Variants in EDA2R observed in about 807,000 individuals in gnomAD.
EDA2R encodes ectodysplasin A2 receptor.
EDA2R carries 26 observed loss-of-function variants against 20.1 expected under a neutral mutation model. That is an observed-to-expected ratio of 1.30 (90% CI 0.95 to 1.80). EDA2R has a LOEUF of 1.80. EDA2R is among the 40% of genes most tolerant of loss of function. EDA2R has a pLI of 0.00. For missense variants in EDA2R, 277 were observed against 228.7 expected (o/e 1.21, Z -1.36); for synonymous variants, 114 against 88.7 (o/e 1.29, Z -1.60).
In EDA2R at chrX:66,604,525, G is replaced by C. The variant is rs779670249; in HGVS notation, c.267-19C>G. On this transcript the variant is annotated intron_variant, in intron 3 of 6. Coordinates refer to ENST00000374719, the MANE Select transcript of EDA2R (RefSeq NM_021783.5). ...GTAGAACCTGTGTTCAGAGCAATTAGGAATGGCAGGGTGATCAAACAAGCA... is the reference window on the plus strand; with the variant it reads ...GTAGAACCTGTGTTCAGAGCAATTACGAATGGCAGGGTGATCAAACAAGCA... 1 of 1,183,095 alleles carries C rather than the reference G, an allele frequency of 8.5e-7. No individual in the cohort carries two copies. The highest frequency in any genetic ancestry group is 3.0e-5 in the East Asian group (1 of 33,465).
chrX:66,595,938 G>A lies in EDA2R; in HGVS notation c.*2166C>T, dbSNP rs766662896. On this transcript the variant is annotated 3_prime_UTR_variant, in exon 7 of 7. Transcript: ENST00000374719. ...TAGTGCTGAATCCTTTCCTAACCTG[G>A]ATCTGAGAATCTTGGAGGAAAAAAT... The A allele has an allele frequency of 3.7e-5, 4 of 108,904 alleles. No homozygotes were observed. In the South Asian group the frequency reaches 1.6e-3, roughly 44 times the overall value. 9.0% of individuals were successfully genotyped at this position (108,904 alleles called of 1,213,427 possible).
chrX:66,614,581 C>A (rs1057496882), intron 2 of EDA2R, among the ~76,000 whole-genome samples: 1 of 112,057 alleles, frequency 8.9e-6, no homozygotes, highest in Non-Finnish European at 1.9e-5. Context: ...TTCCTTGGTA[C>A]TGGGATCCTT....
chrX:66,604,545 C>G, intron 3 of EDA2R, 39 bp from the exon 4 acceptor site: 1 of 1,139,972 alleles, frequency 8.8e-7, no homozygotes, highest in Non-Finnish European at 1.2e-6. Flanking sequence ...GGTGATCAAA[C>G]AAGCAATGCA....
intron 4 of EDA2R, 70 bp from the exon 5 acceptor site, chrX:66,602,867 G>T: frequency 1.0e-6 from 1 of 985,488 alleles, no homozygotes; most frequent in South Asian, 2.5e-5. Context: ...CCTGGACCTG[G>T]ACTTCCTCAG....
chrX:66,616,237 A>T (rs1376036883), intron 1 of EDA2R, among the ~76,000 whole-genome samples: 1 of 112,661 alleles, frequency 8.9e-6, no homozygotes, highest in Non-Finnish European at 1.9e-5. Context: ...GTAGTAACTC[A>T]TTCCATTCTC....
At chrX:66,626,128 A>T (rs1933052833) in intron 1 of EDA2R, among the ~76,000 whole-genome samples, 1 of 111,509 alleles carries the variant, frequency 9.0e-6, no homozygotes, top group African/African-American at 3.3e-5. Context: ...CCCAAAAATC[A>T]CACTAGCTCA....
At chrX:66,618,166 C>T (rs771059536) in intron 1 of EDA2R, among the ~76,000 whole-genome samples, 58 of 112,302 alleles carry the variant, frequency 5.2e-4, no homozygotes, top group Non-Finnish European at 8.6e-4. Flanking sequence ...GGATTAAAGG[C>T]GTGAGGCACC....
intron 4 of EDA2R, among the ~76,000 whole-genome samples, chrX:66,604,071 T>A (rs761236515): frequency 9.0e-6 from 1 of 111,520 alleles, no homozygotes; most frequent in African/African-American, 3.3e-5. Flanking sequence ...GGCTCCTATA[T>A]ACTTCATATA....
chrX:66,613,440 G>C (rs942029342), intron 2 of EDA2R, among the ~76,000 whole-genome samples: 1 of 110,991 alleles, frequency 9.0e-6, no homozygotes, highest in African/African-American at 3.3e-5. Flanking sequence ...CAGTAAAGTT[G>C]GTACATTTCC....
In EDA2R at chrX:66,603,795, A is replaced by G. The variant is rs530011077; in HGVS notation, c.352+626T>C. ...ATCTTTATTCTTTTAAAACATCTGAAGCAAATATGCAAAATGCTATGATTT... is the reference window on the plus strand; with the variant it reads ...ATCTTTATTCTTTTAAAACATCTGAGGCAAATATGCAAAATGCTATGATTT... On this transcript the variant is annotated intron_variant, in intron 4 of 6. Coordinates refer to ENST00000374719, the MANE Select transcript of EDA2R (RefSeq NM_021783.5). 7.0e-4 allele frequency among the ~76,000 whole-genome samples: 78 copies of G among 111,915 alleles called. 1 individual carries two copies. In the South Asian group the frequency reaches 0.029, roughly 41 times the overall value.
At chrX:66,633,823 C>T (rs1269441394) in intron 1 of EDA2R, among the ~76,000 whole-genome samples, 1 of 111,599 alleles carries the variant, frequency 9.0e-6, no homozygotes, top group African/African-American at 3.3e-5. Context: ...CTGAGTTGTC[C>T]CAGTTGGGTA....
chrX:66,617,137 A>T (rs1398764572), intron 1 of EDA2R, among the ~76,000 whole-genome samples: 8 of 112,253 alleles, frequency 7.1e-5, no homozygotes, highest in African/African-American at 2.6e-4. Context: ...CCAAAGTCCT[A>T]AATGTGTACT....
intron 2 of EDA2R, among the ~76,000 whole-genome samples, chrX:66,613,456 C>T (rs1174619094): frequency 9.0e-6 from 1 of 111,088 alleles, no homozygotes; most frequent in Non-Finnish European, 1.9e-5. Flanking sequence ...TTTCCCCTAT[C>T]AAATAGATAA....
intron 2 of EDA2R, 39 bp downstream of exon 2, chrX:66,615,895 G>C (rs1374762167): frequency 1.8e-6 from 2 of 1,122,709 alleles, no homozygotes; most frequent in Non-Finnish European, 1.2e-6. Context: ...TGGTTCCTAA[G>C]ATGCAACAGA....
At chrX:66,604,360 C>T in intron 4 of EDA2R, 61 bp downstream of exon 4, 4 of 1,085,027 alleles carry the variant, frequency 3.7e-6, no homozygotes, top group Admixed American at 4.6e-5. Flanking sequence ...GTCTTTACTA[C>T]CCTATCTTGC....
At position 66,599,646 on chromosome X, in the gene EDA2R, G is replaced by A; in HGVS notation, c.732C>T (p.His244=). The change falls in exon 6 of 7, where the codon CAC becomes CAT. Residue 244 remains histidine, a synonymous_variant. Coordinates refer to ENST00000374719, the MANE Select transcript of EDA2R (RefSeq NM_021783.5). ...CGATGGGGCTGTGGACCCAGTGGGA[G>A]TGGCTCTCTGAGGTGCAGGAGGCCA... ...FTMASCTSES[H]SHWVHSPIEC... is the part of the protein sequence containing the mutation. 8.3e-7 allele frequency: 1 copy of A among 1,207,168 alleles called. No individual in the cohort carries two copies. The highest frequency in any genetic ancestry group is 1.1e-6 in the Non-Finnish European group (1 of 893,470).
chrX:66,627,316 C>T (rs1933197576), intron 1 of EDA2R, among the ~76,000 whole-genome samples: 1 of 112,145 alleles, frequency 8.9e-6, no homozygotes, highest in Admixed American at 9.4e-5. Context: ...CTAAATGCTC[C>T]ACTTAAGAAA....
chrX:66,600,727 A>T (rs1483118739), intron 5 of EDA2R, among the ~76,000 whole-genome samples: 5 of 112,075 alleles, frequency 4.5e-5, no homozygotes, highest in Non-Finnish European at 9.4e-5. Context: ...ATCTGGTTCA[A>T]CATCAGGTCA....
rs73531481 is a variant in EDA2R at position 66,612,463 on chromosome X, A to T, written c.87+3471T>A. ...CTTCACTTGAAATGGCAAAATGTTG[A>T]TACCAGCTGACATTGAAAAAGTAAC... is the stretch of plus-strand genomic sequence containing the variant. On this transcript the variant is annotated intron_variant, in intron 2 of 6. Coordinates refer to ENST00000374719, the MANE Select transcript of EDA2R (RefSeq NM_021783.5). Among the ~76,000 whole-genome samples, 257 of 108,553 alleles carry T rather than the reference A, an allele frequency of 2.4e-3. 4 individuals are homozygous for T. The highest frequency in any genetic ancestry group is 8.2e-3 in the African/African-American group (248 of 30,228). 94.3% of individuals were successfully genotyped at this position (108,553 alleles called of 115,157 possible). A position where few individuals can be genotyped will look rare whatever the true frequency, so the allele number is the denominator to read the frequency against.
Sources: allele counts gnomAD v4.1 joint callset (sites outside exome capture counted in the v4.1 genomes callset), GRCh38; gene constraint gnomAD v4.1.1; transcripts MANE v1.5; gene names NCBI Gene and HGNC (gene_info 2026-07-23, HGNC 2026-07-21).